The following NOTCH2NLC variants were observed in gnomAD, a reference collection of about 807,000 sequenced individuals.
The protein encoded by NOTCH2NLC is notch 2 N-terminal like C.
In NOTCH2NLC, 4 loss-of-function variants were observed where a neutral mutation model predicts 17.7. The observed-to-expected ratio is 0.23, with a 90% CI of 0.11 to 0.52. NOTCH2NLC has a LOEUF of 0.52. Among genes scored for constraint, NOTCH2NLC ranks in the 20% least tolerant of loss-of-function variants. The pLI, the probability that NOTCH2NLC is intolerant of heterozygous loss-of-function variation, is 0.96. For missense variants in NOTCH2NLC, 57 were observed against 207.2 expected (o/e 0.28, Z 4.45); for synonymous variants, 18 against 86.0 (o/e 0.21, Z 4.38).
chr1:149,445,703 A>C (rs2084546923), intron 2 of NOTCH2NLC, among the ~76,000 whole-genome samples: 1 of 150,594 alleles, frequency 6.6e-6, no homozygotes, highest in African/African-American at 2.4e-5. Context: ...GAGGAACTTT[A>C]ATGAGGAGCA....
Position 149,460,630 on chromosome 1 carries a change from C to A in NOTCH2NLC, c.470-2861C>A, listed in dbSNP as rs1438852486. ...GGGATTACAGGTGTGAGCCACCACACCCGGCCGATTCTGATCATCTTTTAT... is the reference window on the plus strand; with the variant it reads ...GGGATTACAGGTGTGAGCCACCACAACCGGCCGATTCTGATCATCTTTTAT... On this transcript the variant is annotated intron_variant, in intron 3 of 4. Coordinates refer to ENST00000650865, the MANE Select transcript of NOTCH2NLC (RefSeq NM_001364013.2). 2.7e-5 allele frequency among the ~76,000 whole-genome samples: 4 copies of A among 149,628 alleles called. 1 individual carries two copies. Among genetic ancestry groups the A allele is most frequent in the African/African-American group, 9.8e-5 (4 of 40,728 alleles).
At position 149,454,705 on chromosome 1, in the gene NOTCH2NLC, C is replaced by A. The variant is rs2084607109; in HGVS notation, c.210-613C>A. Among the ~76,000 whole-genome samples the A allele has an allele frequency of 3.3e-5, 5 of 151,140 alleles. No individual in the cohort carries two copies. The South Asian group carries it at 6.3e-4, about 19-fold the overall frequency. ...TCTTCCCCATTCCTGTACCTCCTTT[C>A]CCTTTTTCTGTTGTAATGTCAGCCA... On this transcript the variant is annotated intron_variant, in intron 2 of 4. Coordinates refer to ENST00000650865, the MANE Select transcript of NOTCH2NLC (RefSeq NM_001364013.2).
In NOTCH2NLC at chr1:149,390,803, G is replaced by GGCGGCGGCGGCGGCGGCGGCGGCGGCA. The variant is rs2084157995; in HGVS notation, c.42_43insAGCGGCGGCGGCGGCGGCGGCGGCGGC (p.Gly14_Gly15insSerGlyGlyGlyGlyGlyGlyGlyGly). The GGCGGCGGCGGCGGCGGCGGCGGCGGCA allele has an allele frequency of 9.6e-7, 1 of 1,036,394 alleles. No individual in the cohort carries two copies. Among genetic ancestry groups the GGCGGCGGCGGCGGCGGCGGCGGCGGCA allele is most frequent in the African/African-American group, 4.1e-5 (1 of 24,548 alleles). 64.2% of individuals were successfully genotyped at this position (1,036,394 alleles called of 1,614,324 possible). A position where few individuals can be genotyped will look rare whatever the true frequency, so the allele number is the denominator to read the frequency against. On this transcript the variant is annotated inframe_insertion, in exon 1 of 5. Coordinates refer to ENST00000650865, the MANE Select transcript of NOTCH2NLC (RefSeq NM_001364013.2). ...CCCCCTCCCCATGTGGATCTGCCCA[G>GGCGGCGGCGGCGGCGGCGGCGGCGGCA]GCGGCGGCGGCGGCGGCGGCGGCGG...
intron 2 of NOTCH2NLC, among the ~76,000 whole-genome samples, chr1:149,449,218 C>T (rs2084575114): frequency 6.6e-6 from 1 of 150,918 alleles, no homozygotes; most frequent in Admixed American, 6.6e-5. Flanking sequence ...CTTCGAGTTC[C>T]TCATATATAA....
chr1:149,409,303 G>A (rs2101470559), intron 1 of NOTCH2NLC, among the ~76,000 whole-genome samples: 1 of 149,570 alleles, frequency 6.7e-6, no homozygotes, highest in East Asian at 2.0e-4. Flanking sequence ...AAGTATCTCT[G>A]ATTTAACTCT....
intron 1 of NOTCH2NLC, among the ~76,000 whole-genome samples, chr1:149,429,664 C>T (rs2084432910): frequency 6.6e-6 from 1 of 151,296 alleles, no homozygotes. Context: ...GATTCTACTA[C>T]TGGATACAAT....
chr1:149,441,077 A>C (rs1465815824), intron 2 of NOTCH2NLC, among the ~76,000 whole-genome samples: 33 of 149,658 alleles, frequency 2.2e-4, no homozygotes, highest in South Asian at 1.3e-3. Flanking sequence ...TTTTGCGAGG[A>C]AAATCAGAAT....
chr1:149,424,087 C>G (rs2084397332), intron 1 of NOTCH2NLC, among the ~76,000 whole-genome samples: 1 of 151,116 alleles, frequency 6.6e-6, no homozygotes, highest in Non-Finnish European at 1.5e-5. Flanking sequence ...AGGAAGATTC[C>G]ATCAAGTCTG....
At chr1:149,417,097 CTTTTTTTT>C (rs1171555647) in intron 1 of NOTCH2NLC, among the ~76,000 whole-genome samples, 237 of 69,546 alleles carry the variant, frequency 3.4e-3, no homozygotes, top group African/African-American at 0.011. Flanking sequence ...TCAGGTTTTC[CTTTTTTTT>C]TTTTTTTTTT....
chr1:149,436,688 T>C (rs2084484211), intron 2 of NOTCH2NLC, among the ~76,000 whole-genome samples: 1 of 150,090 alleles, frequency 6.7e-6, no homozygotes, highest in African/African-American at 2.5e-5. Context: ...CAGGGAAAAA[T>C]ATCAACTGTT....
At chr1:149,419,855 A>ATTTTTTTTTT (rs1166865199) in intron 1 of NOTCH2NLC, among the ~76,000 whole-genome samples, 1 of 78,206 alleles carries the variant, frequency 1.3e-5, no homozygotes, top group Non-Finnish European at 2.3e-5. Flanking sequence ...ATATATATAT[A>ATTTTTTTTTT]TTTTTTTTTT....
rs1316208859 is a variant in NOTCH2NLC, at chr1:149,390,669, G to C, written c.-119G>C. 6.6e-6 allele frequency: 8 copies of C among 1,216,814 alleles called. No individual in the cohort carries two copies. Among genetic ancestry groups the C allele is most frequent in the Admixed American group, 9.1e-5 (2 of 21,874 alleles). 75.4% of individuals were successfully genotyped at this position (1,216,814 alleles called of 1,614,324 possible). The stretch of plus-strand genomic sequence containing the variant: ...GCGGCGGCCGAGGAGCGGCGGACTC[G>C]GGGCGCGGGGAGTCGAGGCATTTGC... On this transcript the variant is annotated 5_prime_UTR_variant, in exon 1 of 5. Coordinates refer to ENST00000650865, the MANE Select transcript of NOTCH2NLC (RefSeq NM_001364013.2).
intron 1 of NOTCH2NLC, among the ~76,000 whole-genome samples, chr1:149,402,212 T>C (rs1276762037): frequency 6.6e-5 from 10 of 150,758 alleles, no homozygotes; most frequent in African/African-American, 2.4e-4. Context: ...CCCGAGTAGC[T>C]GGAATTACAG....
intron 1 of NOTCH2NLC, among the ~76,000 whole-genome samples, chr1:149,393,641 T>C (rs1285584843): frequency 6.8e-6 from 1 of 146,656 alleles, no homozygotes; most frequent in Non-Finnish European, 1.5e-5. Context: ...GCCTGCTAGA[T>C]AATTTCTCAG....
intron 1 of NOTCH2NLC, among the ~76,000 whole-genome samples, chr1:149,416,732 T>G (rs2084337454): frequency 6.6e-6 from 1 of 150,562 alleles, no homozygotes; most frequent in Non-Finnish European, 1.5e-5. Flanking sequence ...ATAGGGTAGT[T>G]TTTTTTTTTT....
intron 2 of NOTCH2NLC, among the ~76,000 whole-genome samples, chr1:149,442,293 G>A (rs1318596274): frequency 2.7e-5 from 4 of 150,164 alleles, no homozygotes; most frequent in Non-Finnish European, 5.9e-5. Flanking sequence ...GGGGCTAGCT[G>A]AAAGTGTGAG....
intron 2 of NOTCH2NLC, among the ~76,000 whole-genome samples, chr1:149,453,207 C>CTT (rs1202536594): frequency 1.5e-5 from 1 of 65,800 alleles, no homozygotes; most frequent in Non-Finnish European, 3.1e-5. Context: ...CTTGGCAAAA[C>CTT]TTTTTTTTTT....
chr1:149,390,981 C>G (rs1226870055), intron 1 of NOTCH2NLC, 59 bp downstream of exon 1: 3 of 1,255,726 alleles, frequency 2.4e-6, no homozygotes, highest in African/African-American at 3.7e-5. Context: ...CTGGGGCGAC[C>G]CTTCTCCCCC....
At chr1:149,427,492 C>CTTTTTTTT (rs1171198772) in intron 1 of NOTCH2NLC, among the ~76,000 whole-genome samples, 2 of 87,342 alleles carry the variant, frequency 2.3e-5, no homozygotes, top group Non-Finnish European at 4.3e-5. Context: ...TCTACCACAG[C>CTTTTTTTT]TTTTTTTTTT....
Sources: allele counts gnomAD v4.1 joint callset (sites outside exome capture counted in the v4.1 genomes callset), GRCh38; gene constraint gnomAD v4.1.1; transcripts MANE v1.5; gene names NCBI Gene and HGNC (gene_info 2026-07-23, HGNC 2026-07-21).